RHOT1: variants seen among roughly 807,000 people sequenced by gnomAD.
The protein encoded by RHOT1 is mitochondrial Rho GTPase 1.
Under a neutral mutation model 95.3 loss-of-function variants are expected in RHOT1, and 27 were observed. The observed-to-expected ratio is 0.28, with a 90% CI of 0.21 to 0.39. The LOEUF is 0.39. RHOT1 is among the 10% of genes least tolerant of loss of function. RHOT1 has a pLI of 1.00. For synonymous variants in RHOT1, 227 were observed against 263.5 expected (o/e 0.86, Z 1.34); for missense variants, 578 against 786.7 (o/e 0.73, Z 3.17).
chr17:32,202,007 G>A (rs1306181110), intron 14 of RHOT1, among the ~76,000 whole-genome samples: 1 of 152,072 alleles, frequency 6.6e-6, no homozygotes, highest in Non-Finnish European at 1.5e-5. Flanking sequence ...CGCCTCCTGG[G>A]TTCAAGCGAT....
chr17:32,224,043 C>T (rs2038994013), intron 19 of RHOT1, among the ~76,000 whole-genome samples: 1 of 152,182 alleles, frequency 6.6e-6, no homozygotes, highest in South Asian at 2.1e-4. Context: ...TTAGCAGTAA[C>T]CAAATTAATG....
At chr17:32,170,793 A>G (rs913370433) in intron 1 of RHOT1, among the ~76,000 whole-genome samples, 1 of 152,258 alleles carries the variant, frequency 6.6e-6, no homozygotes, top group East Asian at 1.9e-4. Context: ...CTGGGAGAAT[A>G]TTAAAATGTT....
Position 32,149,635 on chromosome 17 carries a change from A to ATGTGTGTGTGTG in RHOT1, c.37+6922_37+6933dup, listed in dbSNP as rs1300585666. 6.5e-3 allele frequency among the ~76,000 whole-genome samples: 383 copies of ATGTGTGTGTGTG among 59,008 alleles called. 9 individuals carry two copies. Among genetic ancestry groups the ATGTGTGTGTGTG allele is most frequent in the South Asian group, 0.012 (14 of 1,150 alleles). The allele number at this position is 59,008 out of a possible 152,430, so 38.7% of individuals were successfully genotyped here. On this transcript the variant is annotated intron_variant, in intron 1 of 19. Transcript: ENST00000545287. Reference sequence around the variant, plus strand: ...TATATATATATATATATATATATATATGTGTGTGTGTGTGTGTGTGTGTGT... The same window carrying ATGTGTGTGTGTG: ...TATATATATATATATATATATATATATGTGTGTGTGTGTGTGTGTGTGTGTGTGTGTGTGTGT...
intron 1 of RHOT1, among the ~76,000 whole-genome samples, chr17:32,147,973 TG>T (rs1427234525): frequency 6.6e-6 from 1 of 151,884 alleles, no homozygotes; most frequent in African/African-American, 2.4e-5. Flanking sequence ...TAATGAAAAT[TG>T]CTTAATAAGG....
intron 1 of RHOT1, among the ~76,000 whole-genome samples, chr17:32,158,540 A>G (rs1436373618): frequency 1.3e-5 from 2 of 152,064 alleles, no homozygotes; most frequent in Non-Finnish European, 2.9e-5. Context: ...GCTCACTGCA[A>G]CACCTGCCTC....
chr17:32,158,472 T>C (rs1243633281), intron 1 of RHOT1, among the ~76,000 whole-genome samples: 1 of 152,152 alleles, frequency 6.6e-6, no homozygotes, highest in Non-Finnish European at 1.5e-5. Flanking sequence ...TCGTCGTTTT[T>C]TGAGACAGAG....
At chr17:32,184,080 G>T (rs1054659989) in intron 8 of RHOT1, among the ~76,000 whole-genome samples, 2 of 152,114 alleles carry the variant, frequency 1.3e-5, no homozygotes, top group African/African-American at 4.8e-5. Context: ...AAATTTTTTT[G>T]AGATATATCT....
chr17:32,155,195 G>T (rs925449206), intron 1 of RHOT1, among the ~76,000 whole-genome samples: 3 of 152,092 alleles, frequency 2.0e-5, no homozygotes, highest in Admixed American at 6.5e-5. Context: ...TCGCTCTGTC[G>T]CCCAGGCTGG....
chr17:32,157,107 G>T (rs1309973084), intron 1 of RHOT1, among the ~76,000 whole-genome samples: 1 of 152,174 alleles, frequency 6.6e-6, no homozygotes, highest in Non-Finnish European at 1.5e-5. Context: ...TATGTAAAAG[G>T]TAATAAAGAA....
In RHOT1 at chr17:32,155,919, C is replaced by G. The variant is rs71377416; in HGVS notation, c.37+13190C>G. Among the ~76,000 whole-genome samples, 985 of 152,238 alleles carry G rather than the reference C, an allele frequency of 6.5e-3. 13 individuals carry two copies. Among genetic ancestry groups the G allele is most frequent in the African/African-American group, 0.022 (894 of 41,540 alleles). On this transcript the variant is annotated intron_variant, in intron 1 of 19. Coordinates refer to ENST00000545287, the MANE Select transcript of RHOT1 (RefSeq NM_001033566.3). ...AATCCTATCATAAGTGAAGGAGCAT[C>G]TGTGTTTTGCTTCCATGGTGCATAA...
chr17:32,168,047 A>T (rs1054323523), intron 1 of RHOT1, among the ~76,000 whole-genome samples: 1 of 151,962 alleles, frequency 6.6e-6, no homozygotes, highest in Non-Finnish European at 1.5e-5. Context: ...AAAAAAGAAA[A>T]GGAAACATTT....
intron 6 of RHOT1, among the ~76,000 whole-genome samples, chr17:32,176,983 G>A (rs186248474): frequency 1.3e-3 from 193 of 152,144 alleles, no homozygotes; most frequent in African/African-American, 4.5e-3. Flanking sequence ...GCCTTGAAAC[G>A]CTAAAGATCT....
intron 1 of RHOT1, among the ~76,000 whole-genome samples, chr17:32,169,706 A>G (rs893304292): frequency 3.9e-5 from 6 of 152,210 alleles, no homozygotes; most frequent in Admixed American, 3.9e-4. Flanking sequence ...TGCATTGTTT[A>G]TAAAAGTGAA....
intron 16 of RHOT1, among the ~76,000 whole-genome samples, chr17:32,206,579 G>C (rs1442048211): frequency 1.3e-5 from 2 of 150,144 alleles, no homozygotes; most frequent in African/African-American, 2.5e-5. Flanking sequence ...AGCCTCCCTA[G>C]TAGCTGGGAC....
Position 32,202,879 on chromosome 17 carries a change from T to C in RHOT1, c.1311T>C (p.Ala437=). The change falls in exon 15 of 20, where the codon GCT becomes GCC. Residue 437 remains alanine, a synonymous_variant. Coordinates refer to ENST00000545287, the MANE Select transcript of RHOT1 (RefSeq NM_001033566.3). ...GTGGGAAAAGTGGAGTTCTTCAGGC[T>C]CTTCTTGGAAGAAACTTAATGGTGA... ...KNCGKSGVLQ[A]LLGRNLMRQK... 6.2e-7 allele frequency: 1 copy of C among 1,612,786 alleles called. No individual in the cohort carries two copies. Among genetic ancestry groups the C allele is most frequent in the South Asian group, 1.1e-5 (1 of 90,772 alleles).
chr17:32,205,056 T>G (rs1020530084), intron 16 of RHOT1, among the ~76,000 whole-genome samples: 2 of 151,774 alleles, frequency 1.3e-5, no homozygotes, highest in African/African-American at 4.8e-5. Flanking sequence ...TTTTTTAAAT[T>G]TTACTTTAAG....
intron 1 of RHOT1, chr17:32,159,345 G>T: frequency 6.5e-6 from 1 of 153,320 alleles, no homozygotes. Flanking sequence ...CGTTGGCAGG[G>T]GAGCAGTGTG....
At position 32,168,312 on chromosome 17, in the gene RHOT1, G is replaced by A. The variant is rs7209199; in HGVS notation, c.38-2731G>A. Among the ~76,000 whole-genome samples, 399 of 151,954 alleles carry A rather than the reference G, an allele frequency of 2.6e-3. 2 individuals are homozygous for A. Among genetic ancestry groups the A allele is most frequent in the African/African-American group, 9.1e-3 (376 of 41,434 alleles). On this transcript the variant is annotated intron_variant, in intron 1 of 19. Transcript: ENST00000545287. Reference sequence around the variant, plus strand: ...AGACAGAGTTTCACCATGTCACCCCGGCTGGAGTGCAATGGTAAGATCATG... The same window carrying A: ...AGACAGAGTTTCACCATGTCACCCCAGCTGGAGTGCAATGGTAAGATCATG...
intron 1 of RHOT1, among the ~76,000 whole-genome samples, chr17:32,154,447 TGTG>T (rs1376362507): frequency 1.4e-5 from 2 of 146,668 alleles, no homozygotes; most frequent in African/African-American, 5.1e-5. Flanking sequence ...ATTAGCCAGG[TGTG>T]GTGGCAGGCG....
Sources: gnomAD v4.1 joint callset for allele counts (sites outside exome capture counted in the v4.1 genomes callset) on GRCh38, gnomAD v4.1.1 for gene constraint, MANE v1.5 for transcripts, NCBI Gene and HGNC (gene_info 2026-07-23, HGNC 2026-07-21) for gene names.